Variants in ACBD6 observed in about 807,000 individuals in gnomAD.
The protein encoded by ACBD6 is acyl-CoA-binding domain-containing protein 6.
A neutral mutation model predicts 37.2 loss-of-function variants in ACBD6; 28 were observed. That is an observed-to-expected ratio of 0.75 (90% CI 0.56 to 1.03). The LOEUF is 1.03. Among genes scored for constraint, ACBD6 ranks in the 50% least tolerant of loss-of-function variants. The pLI is 0.00. For missense variants in ACBD6, 340 were observed against 337.4 expected (o/e 1.01, Z -0.06); for synonymous variants, 113 against 126.8 (o/e 0.89, Z 0.73).
intron 6 of ACBD6, among the ~76,000 whole-genome samples, chr1:180,373,242 T>G (rs776127778): frequency 7.2e-5 from 11 of 152,196 alleles, no homozygotes; most frequent in African/African-American, 1.2e-4. Context: ...TCACTGAAAT[T>G]TCTCCTAATT....
chr1:180,428,964 A>G (rs1210489752), intron 4 of ACBD6, among the ~76,000 whole-genome samples: 1 of 152,180 alleles, frequency 6.6e-6, no homozygotes, highest in Non-Finnish European at 1.5e-5. Flanking sequence ...TACATAAGCA[A>G]TAGTCACTAA....
At chr1:180,407,923 G>C (rs550430561) in intron 5 of ACBD6, among the ~76,000 whole-genome samples, 37 of 152,290 alleles carry the variant, frequency 2.4e-4, no homozygotes, top group Admixed American at 7.2e-4. Flanking sequence ...ACTTTGAAAA[G>C]TTAAGTGGCC....
intron 6 of ACBD6, among the ~76,000 whole-genome samples, chr1:180,319,564 G>C (rs1475956687): frequency 6.6e-6 from 1 of 152,120 alleles, no homozygotes; most frequent in African/African-American, 2.4e-5. Context: ...ATTGACCATA[G>C]TCACCCTGTT....
At chr1:180,491,086 A>G (rs1424572020) in intron 3 of ACBD6, among the ~76,000 whole-genome samples, 2 of 152,022 alleles carry the variant, frequency 1.3e-5, no homozygotes, top group African/African-American at 4.8e-5. Flanking sequence ...TTAATATGTC[A>G]TAATATATAA....
At position 180,351,164 on chromosome 1, in the gene ACBD6, G is replaced by A. The variant is rs148234374; in HGVS notation, c.664-36442C>T. Among the ~76,000 whole-genome samples, 530 of 152,068 alleles carry A rather than the reference G, an allele frequency of 3.5e-3. 2 individuals carry two copies. The highest frequency in any genetic ancestry group is 0.012 in the African/African-American group (498 of 41,476). On this transcript the variant is annotated intron_variant, in intron 6 of 7. Coordinates refer to ENST00000367595, the MANE Select transcript of ACBD6 (RefSeq NM_032360.4). ...CAGATATCTATTTCCATAGAAAACT[G>A]ATAAAAATATATAGGTTTATTCTCA...
In ACBD6 at chr1:180,272,693, C is replaced by T. The variant is rs1648742370; in HGVS notation, c.*1174-1G>A. 1 of 152,244 alleles carries T rather than the reference C, an allele frequency of 6.6e-6. No homozygotes were observed. The highest frequency in any genetic ancestry group is 2.4e-5 in the African/African-American group (1 of 41,446). 9.4% of individuals were successfully genotyped at this position (152,244 alleles called of 1,614,324 possible). A position where few individuals can be genotyped will look rare whatever the true frequency, so the allele number is the denominator to read the frequency against. ...TGAGTTCTCAAATGTGGAAGGTCTT[C>T]TGCGGAGGGGGAAAGGGAAGAGTAC... On this transcript the variant is annotated splice_acceptor_variant, in intron 12 of 13. Coordinates refer to the ACBD6 transcript ENST00000642319. LOFTEE classifies it low-confidence loss of function (3UTR_SPLICE).
At chr1:180,442,328 C>T (rs1379770435) in intron 3 of ACBD6, among the ~76,000 whole-genome samples, 1 of 151,932 alleles carries the variant, frequency 6.6e-6, no homozygotes, top group Non-Finnish European at 1.5e-5. Context: ...AGATATTTGG[C>T]ATGTCTGGGG....
At chr1:180,470,746 A>T (rs912235653) in intron 3 of ACBD6, among the ~76,000 whole-genome samples, 6 of 152,242 alleles carry the variant, frequency 3.9e-5, no homozygotes, top group Admixed American at 1.3e-4. Context: ...TTTGCGTACC[A>T]ACAAGTGCTA....
At chr1:180,272,020 G>A (rs3806302) in intron 13 of ACBD6, 1 of 1,608,910 alleles carries the variant, frequency 6.2e-7, no homozygotes, top group Non-Finnish European at 8.5e-7. Flanking sequence ...AGCAGGGCTG[G>A]AGGGGCCAGG....
At chr1:180,348,184 A>G (rs1013473299) in intron 6 of ACBD6, among the ~76,000 whole-genome samples, 2 of 152,254 alleles carry the variant, frequency 1.3e-5, no homozygotes, top group African/African-American at 4.8e-5. Flanking sequence ...TTAATATCCT[A>G]CGATCTAATT....
chr1:180,304,468 CAGAG>C (rs921260893), intron 7 of ACBD6, among the ~76,000 whole-genome samples: 34 of 150,676 alleles, frequency 2.3e-4, no homozygotes, highest in African/African-American at 7.3e-4. Context: ...CAATAACAGA[CAGAG>C]AGCCAAATCA....
At chr1:180,282,914 T>C (rs1649354066) in intron 8 of ACBD6, among the ~76,000 whole-genome samples, 2 of 152,040 alleles carry the variant, frequency 1.3e-5, no homozygotes, top group Admixed American at 1.3e-4. Context: ...TGCACAAGTC[T>C]GTTCAGTCAA....
intron 6 of ACBD6, among the ~76,000 whole-genome samples, chr1:180,386,414 A>G (rs1212929633): frequency 6.6e-6 from 1 of 152,082 alleles, no homozygotes; most frequent in African/African-American, 2.4e-5. Context: ...TTTGTCAGGT[A>G]TATCTGTCTA....
Position 180,502,372 on chromosome 1 carries a change from T to C in ACBD6, c.-106A>G. On this transcript the variant is annotated 5_prime_UTR_variant, in exon 1 of 8. Coordinates refer to ENST00000367595, the MANE Select transcript of ACBD6 (RefSeq NM_032360.4). ...ACCAGTCTGGGTCGCGAGCCTGAGC[T>C]CCAGTCGGACCCAAGCTCAGTCGCG... The C allele has an allele frequency of 7.8e-7, 1 of 1,277,440 alleles. No homozygotes were observed. Among genetic ancestry groups the C allele is most frequent in the Non-Finnish European group, 1.1e-6 (1 of 897,966 alleles). The allele number at this position is 1,277,440 out of a possible 1,614,324, so 79.1% of individuals were successfully genotyped here.
exon 11 of ACBD6, chr1:180,273,956 C>G (rs1648854755): frequency 3.5e-6 from 2 of 577,206 alleles, no homozygotes; most frequent in Non-Finnish European, 6.2e-6. Flanking sequence ...GTCCATCCTT[C>G]TGGGACCTGG....
At chr1:180,493,247 C>CAAAAAAAAAAA (rs71121023) in intron 2 of ACBD6, among the ~76,000 whole-genome samples, 64 of 47,774 alleles carry the variant, frequency 1.3e-3, no homozygotes, top group African/African-American at 2.1e-3. Context: ...AATTCTGTCT[C>CAAAAAAAAAAA]AAAAAAAAAA....
chr1:180,279,267 T>A (rs1458463820), intron 9 of ACBD6, among the ~76,000 whole-genome samples: 1 of 152,204 alleles, frequency 6.6e-6, no homozygotes, highest in Non-Finnish European at 1.5e-5. Context: ...GTTGACCATA[T>A]AACTTTTAGT....
chr1:180,345,054 T>C (rs1652128634), intron 6 of ACBD6, among the ~76,000 whole-genome samples: 1 of 152,194 alleles, frequency 6.6e-6, no homozygotes, highest in Admixed American at 6.5e-5. Context: ...AAGTTATACA[T>C]ATTTTGAGAA....
At chr1:180,373,453 T>A (rs1162525832) in intron 6 of ACBD6, among the ~76,000 whole-genome samples, 2 of 152,204 alleles carry the variant, frequency 1.3e-5, no homozygotes, top group Non-Finnish European at 1.5e-5. Context: ...AGCCTTTACC[T>A]AAATGCACTT....
Sources: gnomAD v4.1 joint callset for allele counts (sites outside exome capture counted in the v4.1 genomes callset) on GRCh38, gnomAD v4.1.1 for gene constraint, MANE v1.5 for transcripts, NCBI Gene and HGNC (gene_info 2026-07-23, HGNC 2026-07-21) for gene names.